TRIO: variants seen among roughly 807,000 people sequenced by gnomAD.
TRIO encodes triple functional domain protein.
TRIO carries 58 observed loss-of-function variants against 351.9 expected under a neutral mutation model. The observed-to-expected ratio is 0.16, with a 90% CI of 0.13 to 0.21. The LOEUF is 0.21. Ranked by LOEUF, TRIO falls within the 10% of genes least tolerant of loss-of-function variation. The pLI, the probability that TRIO is intolerant of heterozygous loss-of-function variation, is 1.00. For missense variants in TRIO, 3,201 were observed against 4,027.8 expected, an observed-to-expected ratio of 0.79 and a Z score of 5.56; for synonymous variants, 1,758 against 1,595.7, an observed-to-expected ratio of 1.10 and a Z score of -2.42.
chr5:14,321,378 G>C (rs16903392), intron 9 of TRIO, among the ~76,000 whole-genome samples: 2 of 152,220 alleles, frequency 1.3e-5, no homozygotes, highest in Non-Finnish European at 2.9e-5. Context: ...GAGGGTTTTG[G>C]GCCCCTGTTG....
In TRIO at chr5:14,433,568, A is replaced by C. The variant is rs370141464; in HGVS notation, c.5203+13547A>C. ...GCCAGGGAGGTGGCGAAAGGAAAACAGTCCAGAATTACTACTTTAAAAAAA... is the reference window on the plus strand; with the variant it reads ...GCCAGGGAGGTGGCGAAAGGAAAACCGTCCAGAATTACTACTTTAAAAAAA... On this transcript the variant is annotated intron_variant, in intron 34 of 56. Transcript: ENST00000344204. Among the ~76,000 whole-genome samples, 8 of 152,342 alleles carry C rather than the reference A, an allele frequency of 5.3e-5. No individual in the cohort carries two copies. The East Asian group carries it at 1.4e-3, about 26-fold the overall frequency.
intron 8 of TRIO, among the ~76,000 whole-genome samples, chr5:14,315,821 C>G (rs1157468563): frequency 6.6e-6 from 1 of 152,134 alleles, no homozygotes; most frequent in East Asian, 1.9e-4. Flanking sequence ...TTTCTTATTT[C>G]TTTGATTAAC....
At chr5:14,304,251 G>A (rs922673672) in intron 7 of TRIO, among the ~76,000 whole-genome samples, 4 of 152,150 alleles carry the variant, frequency 2.6e-5, no homozygotes, top group Non-Finnish European at 5.9e-5. Flanking sequence ...TGGATTCCTC[G>A]GACTCACCCC....
intron 23 of TRIO, 69 bp downstream of exon 23, chr5:14,387,916 T>G: frequency 1.3e-5 from 20 of 1,508,356 alleles, no homozygotes; most frequent in Non-Finnish European, 1.8e-5. Context: ...TGGACAGACA[T>G]GCTTCTGTGT....
intron 2 of TRIO, among the ~76,000 whole-genome samples, chr5:14,276,964 T>C (rs1212579828): frequency 6.6e-6 from 1 of 152,218 alleles, no homozygotes; most frequent in African/African-American, 2.4e-5. Flanking sequence ...CTTTCTATTA[T>C]TAAAATAAAC....
chr5:14,285,444 A>G (rs1026127642), intron 3 of TRIO, among the ~76,000 whole-genome samples: 2 of 151,858 alleles, frequency 1.3e-5, no homozygotes, highest in African/African-American at 2.4e-5. Flanking sequence ...TGTAGATGTC[A>G]TATGTACTTT....
chr5:14,454,112 A>T (rs1284157980), intron 34 of TRIO, among the ~76,000 whole-genome samples: 2 of 152,188 alleles, frequency 1.3e-5, no homozygotes, highest in African/African-American at 4.8e-5. Context: ...TAATTTTAGT[A>T]GAAACAGGGT....
chr5:14,194,101 A>G (rs1790613091), intron 1 of TRIO, among the ~76,000 whole-genome samples: 2 of 152,130 alleles, frequency 1.3e-5, no homozygotes, highest in Admixed American at 1.3e-4. Context: ...TGTCCACTCA[A>G]ATGTTGAATA....
At chr5:14,418,790 T>C (rs535395933) in intron 33 of TRIO, 1 of 152,754 alleles carries the variant, frequency 6.5e-6, no homozygotes, top group East Asian at 1.9e-4. Flanking sequence ...GGAGCTGCTC[T>C]CGGGATTCTT....
At chr5:14,278,416 A>G (rs16903356) in intron 2 of TRIO, among the ~76,000 whole-genome samples, 1,524 of 152,270 alleles carry the variant, frequency 0.01, 27 homozygotes, top group African/African-American at 0.033. Context: ...GTGGGTCCCT[A>G]TGGAATCAAA....
intron 7 of TRIO, among the ~76,000 whole-genome samples, chr5:14,303,061 TG>T (rs1228061921): frequency 2.8e-5 from 4 of 142,862 alleles, no homozygotes; most frequent in East Asian, 2.1e-4. Context: ...ATCCTGGAGA[TG>T]GGGGGTGTCA....
In TRIO at chr5:14,329,557, T is replaced by A. The variant is rs75595642; in HGVS notation, c.1732-1221T>A. 5.6e-3 allele frequency among the ~76,000 whole-genome samples: 848 copies of A among 152,302 alleles called. 8 individuals carry two copies. Among genetic ancestry groups the A allele is most frequent in the African/African-American group, 0.018 (761 of 41,562 alleles). On this transcript the variant is annotated intron_variant, in intron 9 of 56. Transcript: ENST00000344204. ...TGTCCAGACTATGAAGCCCTACATT[T>A]CTGTTGTTTATAAATTACTCAGTCT...
At chr5:14,502,681 C>A (rs1757381163) in intron 54 of TRIO, 24 bp downstream of exon 54, 1 of 1,612,046 alleles carries the variant, frequency 6.2e-7, no homozygotes, top group Admixed American at 1.7e-5. Context: ...CCCAGAACGC[C>A]TTCCGAAAGA....
chr5:14,181,674 T>A (rs1789777312), intron 1 of TRIO, among the ~76,000 whole-genome samples: 2 of 152,230 alleles, frequency 1.3e-5, no homozygotes, highest in Admixed American at 6.5e-5. Context: ...TTCAGTGTCC[T>A]GAAAACGCTG....
chr5:14,144,273 T>C (rs948636893), intron 1 of TRIO, among the ~76,000 whole-genome samples: 25 of 152,024 alleles, frequency 1.6e-4, no homozygotes, highest in African/African-American at 6.0e-4. Flanking sequence ...GCGGAGGCTC[T>C]TACCCCGGAG....
At chr5:14,361,609 C>A (rs576557278) in intron 13 of TRIO, among the ~76,000 whole-genome samples, 19 of 152,288 alleles carry the variant, frequency 1.2e-4, no homozygotes, top group Non-Finnish European at 2.2e-4. Context: ...TAGAATTGAT[C>A]TGTTACCCGG....
At chr5:14,406,343 A>G (rs1202240029) in intron 32 of TRIO, 2 of 571,510 alleles carry the variant, frequency 3.5e-6, no homozygotes, top group Non-Finnish European at 3.1e-6. Flanking sequence ...GATCATATCA[A>G]CTATATTTTA....
chr5:14,303,917 G>A (rs969217054), intron 7 of TRIO, among the ~76,000 whole-genome samples: 20 of 152,118 alleles, frequency 1.3e-4, no homozygotes, highest in African/African-American at 4.3e-4. Context: ...AAACAGTAGC[G>A]GAATGGACTG....
chr5:14,487,470 C>T lies in TRIO; in HGVS notation c.6842C>T (p.Thr2281Ile). ...CCGCTGTCTTGTCTTACAGCCTTGA[C>T]ATCGCCAATCGAGTACCAGAGGAAC... ...ENQRNFLNAL[T>I]SPIEYQRNHS... The change falls in exon 48 of 57, where the codon ACA becomes ATA. Residue 2281 changes from threonine to isoleucine, a missense_variant. Coordinates refer to ENST00000344204, the MANE Select transcript of TRIO (RefSeq NM_007118.4). 9.1e-7 allele frequency: 1 copy of T among 1,093,772 alleles called. No homozygotes were observed. The highest frequency in any genetic ancestry group is 1.1e-6 in the Non-Finnish European group (1 of 882,094). 67.8% of individuals were successfully genotyped at this position (1,093,772 alleles called of 1,614,324 possible).
Sources: allele counts gnomAD v4.1 joint callset (sites outside exome capture counted in the v4.1 genomes callset), GRCh38; gene constraint gnomAD v4.1.1; transcripts MANE v1.5; gene names NCBI Gene and HGNC (gene_info 2026-07-23, HGNC 2026-07-21).